PDSS2: variants seen among roughly 807,000 people sequenced by gnomAD.
PDSS2 encodes the protein all trans-polyprenyl-diphosphate synthase PDSS2.
PDSS2 carries 31 observed loss-of-function variants against 44.5 expected under a neutral mutation model. The ratio of observed to expected loss-of-function variants is 0.70; its 90% CI spans 0.52 to 0.94. The LOEUF is 0.94. Ranked by LOEUF, PDSS2 falls within the 40% of genes least tolerant of loss-of-function variation. The pLI is 0.00. For missense variants in PDSS2, 452 were observed against 482.2 expected (o/e 0.94, Z 0.59); for synonymous variants, 157 against 180.3 (o/e 0.87, Z 1.03).
chr6:107,262,108 C>T (rs1287225205), intron 3 of PDSS2, among the ~76,000 whole-genome samples: 1 of 151,130 alleles, frequency 6.6e-6, no homozygotes, highest in East Asian at 2.0e-4. Flanking sequence ...CGGGGTTTCA[C>T]TGTGTTAGCC....
chr6:107,440,741 G>A (rs992988586), intron 1 of PDSS2, among the ~76,000 whole-genome samples: 3 of 152,176 alleles, frequency 2.0e-5, no homozygotes, highest in Admixed American at 6.5e-5. Context: ...GGATATATCC[G>A]CTACAAAGAG....
intron 1 of PDSS2, among the ~76,000 whole-genome samples, chr6:107,362,247 G>A (rs1372299302): frequency 6.6e-6 from 1 of 152,068 alleles, no homozygotes; most frequent in Non-Finnish European, 1.5e-5. Flanking sequence ...TGTGCAGGTG[G>A]GACATGAGAG....
chr6:107,351,132 T>G (rs186886305), intron 1 of PDSS2, among the ~76,000 whole-genome samples: 4 of 152,264 alleles, frequency 2.6e-5, no homozygotes, highest in African/African-American at 9.6e-5. Flanking sequence ...ATTGCCAATA[T>G]AGTTCCAAAC....
intron 2 of PDSS2, among the ~76,000 whole-genome samples, chr6:107,296,588 G>A (rs1219403813): frequency 1.3e-5 from 2 of 152,088 alleles, no homozygotes; most frequent in Admixed American, 6.6e-5. Flanking sequence ...TTAGCTGGGC[G>A]TGGTGGCAGG....
intron 7 of PDSS2, among the ~76,000 whole-genome samples, chr6:107,159,785 C>G (rs782215720): frequency 5.3e-5 from 8 of 152,110 alleles, no homozygotes; most frequent in Admixed American, 2.0e-4. Flanking sequence ...TCCTCCTATT[C>G]TAGACTTCTA....
At chr6:107,380,120 A>T (rs1779411658) in intron 1 of PDSS2, among the ~76,000 whole-genome samples, 2 of 152,108 alleles carry the variant, frequency 1.3e-5, no homozygotes, top group Non-Finnish European at 2.9e-5. Context: ...TAGGTGTCAG[A>T]GGCTTCAGTT....
chr6:107,330,097 A>G (rs1346512314), intron 2 of PDSS2, among the ~76,000 whole-genome samples: 1 of 152,084 alleles, frequency 6.6e-6, no homozygotes, highest in Non-Finnish European at 1.5e-5. Context: ...TTCTTCTCAT[A>G]CATCTAGTCT....
chr6:107,199,722 G>T (rs1424740239), intron 6 of PDSS2, among the ~76,000 whole-genome samples: 1 of 152,192 alleles, frequency 6.6e-6, no homozygotes, highest in African/African-American at 2.4e-5. Flanking sequence ...ATGAATAAAT[G>T]GATGAAGCTT....
chr6:107,275,845 G>A (rs1775761715), intron 2 of PDSS2, among the ~76,000 whole-genome samples: 1 of 152,110 alleles, frequency 6.6e-6, no homozygotes, highest in African/African-American at 2.4e-5. Flanking sequence ...CAGGTGCAGT[G>A]GCTCATGCCT....
At chr6:107,352,705 C>T (rs1387455061) in intron 1 of PDSS2, among the ~76,000 whole-genome samples, 1 of 152,130 alleles carries the variant, frequency 6.6e-6, no homozygotes, top group Non-Finnish European at 1.5e-5. Flanking sequence ...GTTCTTAACT[C>T]GGGTGATTTT....
At chr6:107,162,610 A>ATTTTTTTTTTT (rs71012782) in intron 7 of PDSS2, among the ~76,000 whole-genome samples, 3,741 of 115,096 alleles carry the variant, frequency 0.033, 344 homozygotes, top group African/African-American at 0.05. Flanking sequence ...GAATTCCCTA[A>ATTTTTTTTTTT]TTTTTTTTTT....
rs550846766 is a variant in PDSS2 at position 107,252,181 on chromosome 6, G to A, written c.631-6562C>T. ...CCAGATGAGCCCTACTCTGCATGCT[G>A]ATTAAAATAAATGAGGGCTTTGATA... On this transcript the variant is annotated intron_variant, in intron 3 of 7. Coordinates refer to ENST00000369037, the MANE Select transcript of PDSS2 (RefSeq NM_020381.4). Among the ~76,000 whole-genome samples the A allele has an allele frequency of 9.2e-4, 140 of 152,258 alleles. 1 individual carries two copies. Among genetic ancestry groups the A allele is most frequent in the South Asian group, 4.4e-3 (21 of 4,826 alleles).
At chr6:107,264,412 G>A in intron 3 of PDSS2, 1 of 1,548,934 alleles carries the variant, frequency 6.5e-7, no homozygotes, top group Non-Finnish European at 8.7e-7. Context: ...CAACCTCCAG[G>A]AGTGACATCA....
At chr6:107,255,044 T>C (rs1774961657) in intron 3 of PDSS2, among the ~76,000 whole-genome samples, 1 of 151,272 alleles carries the variant, frequency 6.6e-6, no homozygotes, top group Admixed American at 6.6e-5. Flanking sequence ...TTGACTTTTG[T>C]ATTTTTACTA....
intron 1 of PDSS2, 64 bp from the exon 2 acceptor site, chr6:107,334,396 A>T (rs551683857): frequency 6.9e-7 from 1 of 1,446,220 alleles, no homozygotes; most frequent in African/African-American, 1.4e-5. Flanking sequence ...ATAACTTAGA[A>T]AACTGCTACA....
intron 1 of PDSS2, among the ~76,000 whole-genome samples, chr6:107,452,484 G>C (rs952064887): frequency 2.0e-5 from 3 of 150,908 alleles, no homozygotes; most frequent in Admixed American, 1.3e-4. Context: ...CACCTGCCTC[G>C]GCCTCCCAAA....
chr6:107,238,786 G>A (rs186850879), intron 4 of PDSS2, among the ~76,000 whole-genome samples: 1 of 152,302 alleles, frequency 6.6e-6, no homozygotes, highest in East Asian at 1.9e-4. Context: ...CAGCTTCTCC[G>A]ATGCTAGCCA....
chr6:107,260,757 G>A (rs570737626), intron 3 of PDSS2, among the ~76,000 whole-genome samples: 2 of 145,850 alleles, frequency 1.4e-5, no homozygotes, highest in Admixed American at 7.1e-5. Context: ...TCCACCTCCC[G>A]TGTTCAAGCC....
intron 1 of PDSS2, among the ~76,000 whole-genome samples, chr6:107,352,244 A>G (rs1778455447): frequency 6.6e-6 from 1 of 152,206 alleles, no homozygotes; most frequent in African/African-American, 2.4e-5. Flanking sequence ...ATGTTTCAAT[A>G]TAACAGAAAA....
Sources: gnomAD v4.1 joint callset for allele counts (sites outside exome capture counted in the v4.1 genomes callset) on GRCh38, gnomAD v4.1.1 for gene constraint, MANE v1.5 for transcripts, NCBI Gene and HGNC (gene_info 2026-07-23, HGNC 2026-07-21) for gene names.